The following FBXO17 variants were observed in gnomAD, a reference collection of about 807,000 sequenced individuals.
The protein encoded by FBXO17 is F-box only protein 17.
In FBXO17, 43 loss-of-function variants were observed where a neutral mutation model predicts 34.1. That is an observed-to-expected ratio of 1.26 (90% confidence interval 0.99 to 1.62). The LOEUF (loss-of-function observed/expected upper bound fraction) is 1.62. Among genes scored for constraint, FBXO17 ranks in the 40% most tolerant of loss-of-function variants. The pLI, the probability that FBXO17 is intolerant of heterozygous loss-of-function variation, is 0.00. For missense variants in FBXO17, 424 were observed against 386.7 expected, an observed-to-expected ratio of 1.10 and a Z score of -0.81; for synonymous variants, 169 against 166.0, an observed-to-expected ratio of 1.02 and a Z score of -0.14.
intron 3 of FBXO17, among the ~76,000 whole-genome samples, chr19:38,947,860 G>C (rs920893017): frequency 1.3e-5 from 2 of 151,786 alleles, no homozygotes; most frequent in African/African-American, 4.8e-5. Flanking sequence ...CACCGTGCCC[G>C]GCCTTCAGTT....
chr19:38,966,521 G>A (rs1022418195), intron 1 of FBXO17, among the ~76,000 whole-genome samples: 2 of 152,076 alleles, frequency 1.3e-5, no homozygotes, highest in African/African-American at 4.8e-5. Context: ...CTAGTCCTGG[G>A]AACACTTAGA....
chr19:38,943,604 T>G (rs997165986), intron 5 of FBXO17, among the ~76,000 whole-genome samples: 4 of 151,576 alleles, frequency 2.6e-5, no homozygotes, highest in African/African-American at 9.7e-5. Flanking sequence ...TATTTATTTA[T>G]TTTGAGGCCA....
chr19:38,961,077 G>C (rs909359572), intron 1 of FBXO17, among the ~76,000 whole-genome samples: 4 of 151,928 alleles, frequency 2.6e-5, no homozygotes, highest in African/African-American at 9.7e-5. Flanking sequence ...TAAAGTGTTG[G>C]GATTACAGGC....
At chr19:38,959,878 A>G (rs866767292) in intron 1 of FBXO17, among the ~76,000 whole-genome samples, 3 of 152,200 alleles carry the variant, frequency 2.0e-5, no homozygotes, top group African/African-American at 7.2e-5. Context: ...CCTGGGTGAC[A>G]GAGTGAGACT....
At chr19:38,957,913 G>A (rs980799968) in intron 1 of FBXO17, among the ~76,000 whole-genome samples, 1 of 151,912 alleles carries the variant, frequency 6.6e-6, no homozygotes, top group Non-Finnish European at 1.5e-5. Context: ...ACCAGCCTAG[G>A]CAACATGACG....
chr19:38,956,974 A>T (rs142710397), intron 1 of FBXO17, among the ~76,000 whole-genome samples: 331 of 152,310 alleles, frequency 2.2e-3, no homozygotes, highest in Non-Finnish European at 3.3e-3. Flanking sequence ...AAATATTAAT[A>T]TTAATTTTCA....
intron 1 of FBXO17, among the ~76,000 whole-genome samples, chr19:38,960,314 G>T (rs1218515769): frequency 6.6e-6 from 1 of 151,484 alleles, no homozygotes; most frequent in Non-Finnish European, 1.5e-5. Context: ...ATGGCTCTGG[G>T]GACTGGGATC....
intron 5 of FBXO17, among the ~76,000 whole-genome samples, chr19:38,943,842 G>A (rs969458593): frequency 3.9e-5 from 6 of 152,116 alleles, no homozygotes; most frequent in African/African-American, 1.4e-4. Flanking sequence ...TGTCCGCCTT[G>A]ACCTCCCAAA....
At chr19:38,948,725 CCAG>C in intron 2 of FBXO17, 47 bp from the exon 3 acceptor site, 1 of 1,542,086 alleles carries the variant, frequency 6.5e-7, no homozygotes, top group Non-Finnish European at 8.9e-7. Flanking sequence ...GCCAGCCTGC[CCAG>C]AAGAGACCCC....
chr19:38,944,179 G>A (rs1327942222), intron 5 of FBXO17, among the ~76,000 whole-genome samples: 4 of 151,862 alleles, frequency 2.6e-5, no homozygotes, highest in Non-Finnish European at 5.9e-5. Flanking sequence ...TTTCTTTTCC[G>A]TGGCTGCATA....
chr19:38,945,169 G>GAGGCTGAGGGCTGGCTCC, intron 4 of FBXO17, 65 bp from the exon 5 acceptor site: 1 of 1,595,406 alleles, frequency 6.3e-7, no homozygotes, highest in Non-Finnish European at 8.5e-7. Flanking sequence ...TTCGGGGCGG[G>GAGGCTGAGGGCTGGCTCC]AGGCTGAGGG....
chr19:38,944,277 TA>T (rs1388862386), intron 5 of FBXO17, among the ~76,000 whole-genome samples: 2 of 150,874 alleles, frequency 1.3e-5, no homozygotes, highest in African/African-American at 2.4e-5. Flanking sequence ...TTATTATTAT[TA>T]TTATTTTTAG....
chr19:38,963,521 T>C (rs1311453455), intron 1 of FBXO17, among the ~76,000 whole-genome samples: 1 of 152,100 alleles, frequency 6.6e-6, no homozygotes, highest in Non-Finnish European at 1.5e-5. Context: ...CTTGAACTCC[T>C]GGGCTCAGCG....
rs1975434419 is a variant in FBXO17, at chr19:38,974,370, G to A, written c.-18+1216C>T. 2.0e-5 allele frequency among the ~76,000 whole-genome samples: 3 copies of A among 152,136 alleles called. No homozygotes were observed. The South Asian group carries it at 6.2e-4, about 32-fold the overall frequency. On this transcript the variant is annotated intron_variant, in intron 1 of 5. Coordinates refer to ENST00000292852, the MANE Select transcript of FBXO17 (RefSeq NM_024907.7). ...TGGGATTACAAGCGTGAGCCACCGCGCACGCCCGGCCTAAAAATATATTTT... is the reference window on the plus strand; with the variant it reads ...TGGGATTACAAGCGTGAGCCACCGCACACGCCCGGCCTAAAAATATATTTT...
At chr19:38,943,206 G>A (rs1010542720) in intron 5 of FBXO17, among the ~76,000 whole-genome samples, 9 of 116,818 alleles carry the variant, frequency 7.7e-5, no homozygotes, top group African/African-American at 3.4e-4. Flanking sequence ...GCCACAGGAG[G>A]ACTTTGGCTT....
intron 1 of FBXO17, among the ~76,000 whole-genome samples, chr19:38,954,890 GTTATTTTATTATTATTATTATTA>G (rs1160221647): frequency 0.012 from 1,495 of 124,076 alleles, 35 homozygotes; most frequent in African/African-American, 0.041. Flanking sequence ...CTGACAATGT[GTTATTTTATTATTATTATTATTA>G]TTATTATTAT....
rs1176223050 is a variant in FBXO17 at position 38,948,686 on chromosome 19, A to G, written c.350-8T>C. On this transcript the variant is annotated splice_polypyrimidine_tract_variant and splice_region_variant and intron_variant, in intron 2 of 5. Coordinates refer to ENST00000292852, the MANE Select transcript of FBXO17 (RefSeq NM_024907.7). Reference sequence around the variant, plus strand: ...CCCAGCCTCTGAAGCCCTCTGTGGGAAAACAAGAGTTGAACATATGGTTCA... The same window carrying G: ...CCCAGCCTCTGAAGCCCTCTGTGGGGAAACAAGAGTTGAACATATGGTTCA... The G allele has an allele frequency of 9.9e-6, 16 of 1,612,734 alleles. No homozygotes were observed. The highest frequency in any genetic ancestry group is 1.4e-5 in the Non-Finnish European group (16 of 1,179,316).
At chr19:38,964,523 T>C (rs1483064412) in intron 1 of FBXO17, among the ~76,000 whole-genome samples, 1 of 152,078 alleles carries the variant, frequency 6.6e-6, no homozygotes, top group Non-Finnish European at 1.5e-5. Flanking sequence ...AATCCCAACA[T>C]TTTGGGAGAA....
intron 3 of FBXO17, among the ~76,000 whole-genome samples, chr19:38,947,580 C>G (rs59146551): frequency 0.033 from 4,990 of 152,064 alleles, 289 homozygotes; most frequent in African/African-American, 0.11. Context: ...AAATGAGACT[C>G]TATCTCAAAA....
Sources: allele counts gnomAD v4.1 joint callset (sites outside exome capture counted in the v4.1 genomes callset), GRCh38; gene constraint gnomAD v4.1.1; transcripts MANE v1.5; gene names NCBI Gene and HGNC (gene_info 2026-07-23, HGNC 2026-07-21).